Variants in DCC observed in about 807,000 individuals in gnomAD.
The protein encoded by DCC is DCC netrin 1 receptor, also known as netrin receptor DCC.
DCC carries 58 observed loss-of-function variants against 172.5 expected under a neutral mutation model. That is an observed-to-expected ratio of 0.34 (90% confidence interval 0.27 to 0.42). The LOEUF (loss-of-function observed/expected upper bound fraction) is 0.42, where lower values mean the gene tolerates loss of function less well. Among genes scored for constraint, DCC ranks in the 10% least tolerant of loss-of-function variants. The probability of loss-of-function intolerance (pLI) is 1.00; values close to 1 mark genes in which losing one functional copy is unlikely to be tolerated. For synonymous variants in DCC, 709 were observed against 644.5 expected (o/e 1.10, Z -1.52); for missense variants, 1,740 against 1,791.0 (o/e 0.97, Z 0.51).
intron 1 of DCC, among the ~76,000 whole-genome samples, chr18:52,598,242 A>G (rs1014110233): frequency 6.6e-6 from 1 of 152,216 alleles, no homozygotes; most frequent in African/African-American, 2.4e-5. Flanking sequence ...GCATTATACT[A>G]AATACCGAGG....
At chr18:53,530,311 A>C (rs2046511419) in intron 28 of DCC, 1 of 702,634 alleles carries the variant, frequency 1.4e-6, no homozygotes, top group South Asian at 1.5e-5. Flanking sequence ...TTTGAAACCC[A>C]ATCTTTTTGA....
At chr18:52,967,941 A>C (rs1260089905) in intron 5 of DCC, among the ~76,000 whole-genome samples, 2 of 152,130 alleles carry the variant, frequency 1.3e-5, no homozygotes, top group African/African-American at 4.8e-5. Context: ...TTAACTTGAG[A>C]TTTTAGACGC....
intron 7 of DCC, among the ~76,000 whole-genome samples, chr18:53,133,344 G>A (rs2043686768): frequency 6.6e-6 from 1 of 152,178 alleles, no homozygotes; most frequent in Non-Finnish European, 1.5e-5. Context: ...ATATCCCTCA[G>A]AGATTTTAAT....
At chr18:53,379,267 G>T (rs1245543571) in intron 15 of DCC, among the ~76,000 whole-genome samples, 2 of 152,278 alleles carry the variant, frequency 1.3e-5, no homozygotes, top group African/African-American at 4.8e-5. Context: ...GGCAAAAGAT[G>T]CAGGAACATG....
intron 6 of DCC, among the ~76,000 whole-genome samples, chr18:53,063,894 A>G (rs1019972875): frequency 1.9e-4 from 29 of 152,172 alleles, no homozygotes; most frequent in African/African-American, 6.5e-4. Flanking sequence ...ACTTGGTAAT[A>G]CAGACAGCTT....
chr18:52,705,132 C>T (rs1470732948), intron 1 of DCC, among the ~76,000 whole-genome samples: 1 of 152,202 alleles, frequency 6.6e-6, no homozygotes, highest in African/African-American at 2.4e-5. Context: ...ATACACCATA[C>T]ATAAATGCTT....
At chr18:52,429,667 A>T (rs8096647) in intron 1 of DCC, among the ~76,000 whole-genome samples, 50,480 of 152,030 alleles carry the variant, frequency 0.33, 8,867 homozygotes, top group Non-Finnish European at 0.39. Flanking sequence ...CATGTTCTTA[A>T]ATCTCTCCTT....
chr18:53,459,279 A>G lies in DCC; in HGVS notation c.3440A>G (p.Asp1147Gly), dbSNP rs1272420859. Residue 1147 changes from aspartate to glycine, a missense_variant, in exon 24 of 29, where the codon GAC (aspartate) becomes GGC (glycine). This residue lies in a region of DCC where 1,732 missense variants were observed against 1,767.4 expected (regional missense o/e 0.98). Coordinates refer to ENST00000442544, the MANE Select transcript of DCC (RefSeq NM_005215.4). ...GGCAAAAGGAAGGGCAGCCAGAAGG[A>G]CCTCCGACCCCCTGATCTTTGGATC... ...SAGKRKGSQKDLRPPDLWIHH... is the reference protein window; with the variant it reads ...SAGKRKGSQKGLRPPDLWIHH... 6.2e-7 allele frequency: 1 copy of G among 1,614,026 alleles called. No individual in the cohort carries two copies. Among genetic ancestry groups the G allele is most frequent in the Non-Finnish European group, 8.5e-7 (1 of 1,179,992 alleles).
intron 9 of DCC, among the ~76,000 whole-genome samples, chr18:53,199,673 C>T (rs944512006): frequency 7.2e-5 from 11 of 151,756 alleles, no homozygotes; most frequent in African/African-American, 2.7e-4. Flanking sequence ...ATTTGAATTT[C>T]TGGCATTTTT....
At position 52,927,121 on chromosome 18, in the gene DCC, ATATACACG is replaced by A. The variant is rs1568192094; in HGVS notation, c.985+1756_985+1763del. On this transcript the variant is annotated intron_variant, in intron 5 of 28. Coordinates refer to ENST00000442544, the MANE Select transcript of DCC (RefSeq NM_005215.4). ...CGTGTATATACACGTATATACGTGT[ATATACACG>A]TATATACGTGTATATATGTGTATAT... Among the ~76,000 whole-genome samples the A allele has an allele frequency of 4.8e-4, 45 of 92,946 alleles. 7 individuals are homozygous for A. Among genetic ancestry groups the A allele is most frequent in the African/African-American group, 1.5e-3 (40 of 26,312 alleles). The allele number at this position is 92,946 out of a possible 152,430, so 61.0% of individuals were successfully genotyped here. A position where few individuals can be genotyped will look rare whatever the true frequency, so the allele number is the denominator to read the frequency against.
intron 2 of DCC, among the ~76,000 whole-genome samples, chr18:52,872,325 C>CGACAAT (rs74178688): frequency 0.016 from 2,429 of 152,190 alleles, 27 homozygotes; most frequent in Middle Eastern, 0.051. Flanking sequence ...CAGAGAGAAT[C>CGACAAT]GACAATGGTG....
At chr18:53,348,230 A>G (rs923373518) in intron 15 of DCC, among the ~76,000 whole-genome samples, 1 of 152,204 alleles carries the variant, frequency 6.6e-6, no homozygotes, top group Non-Finnish European at 1.5e-5. Context: ...CAGCCATTCC[A>G]AATGGGAGAA....
intron 6 of DCC, 28 bp from the exon 7 acceptor site, chr18:53,066,018 T>C: frequency 1.2e-6 from 2 of 1,611,750 alleles, no homozygotes; most frequent in Non-Finnish European, 1.7e-6. Flanking sequence ...CTTTCTAAAA[T>C]ACTTTACCTG....
intron 9 of DCC, among the ~76,000 whole-genome samples, chr18:53,190,953 A>G (rs2055358815): frequency 6.6e-6 from 1 of 152,148 alleles, no homozygotes; most frequent in Non-Finnish European, 1.5e-5. Context: ...TTAAGAAACA[A>G]ACAAACAAAC....
chr18:53,170,142 G>A (rs1451240685), intron 8 of DCC, among the ~76,000 whole-genome samples: 1 of 152,130 alleles, frequency 6.6e-6, no homozygotes, highest in African/African-American at 2.4e-5. Context: ...TATAATGTTA[G>A]CAATTAGATG....
At chr18:52,985,242 T>A (rs1159038985) in intron 5 of DCC, among the ~76,000 whole-genome samples, 1 of 152,144 alleles carries the variant, frequency 6.6e-6, no homozygotes, top group Non-Finnish European at 1.5e-5. Context: ...TTGTCTTTCA[T>A]TTTTGATATT....
At chr18:53,125,285 T>C (rs2043539234) in intron 7 of DCC, among the ~76,000 whole-genome samples, 1 of 152,064 alleles carries the variant, frequency 6.6e-6, no homozygotes, top group Admixed American at 6.6e-5. Flanking sequence ...CCTTTCTTTT[T>C]CACAGAGAAT....
At chr18:53,453,129 A>G (rs551468104) in intron 23 of DCC, among the ~76,000 whole-genome samples, 58 of 152,184 alleles carry the variant, frequency 3.8e-4, no homozygotes, top group African/African-American at 1.3e-3. Flanking sequence ...GTTAGCCACG[A>G]TGGTCTTGAT....
chr18:53,394,097 T>G (rs55651361), intron 17 of DCC, among the ~76,000 whole-genome samples: 16,917 of 152,168 alleles, frequency 0.11, 1,006 homozygotes, highest in East Asian at 0.22. Flanking sequence ...CACTACAGCT[T>G]TAAAAGGTAG....
Sources: allele counts gnomAD v4.1 joint callset (sites outside exome capture counted in the v4.1 genomes callset), GRCh38; gene constraint gnomAD v4.1.1; regional missense constraint gnomAD v4.1.1; transcripts MANE v1.5; gene names NCBI Gene and HGNC (gene_info 2026-07-23, HGNC 2026-07-21).